Variants in TEX9 observed in about 807,000 individuals in gnomAD.
TEX9 encodes testis-expressed protein 9.
TEX9 carries 74 observed loss-of-function variants against 59.6 expected under a neutral mutation model. The observed-to-expected ratio is 1.24, with a 90% CI of 1.03 to 1.51. TEX9 has a LOEUF of 1.51. Ranked by LOEUF, TEX9 falls within the 40% of genes most tolerant of loss-of-function variation. The pLI is 0.00. For missense variants in TEX9, 522 were observed against 447.8 expected, an observed-to-expected ratio of 1.17 and a Z score of -1.49; for synonymous variants, 186 against 152.2, an observed-to-expected ratio of 1.22 and a Z score of -1.64.
chr15:56,396,572 T>G (rs1481471444), intron 9 of TEX9: 1 of 150,954 alleles, frequency 6.6e-6, no homozygotes, highest in Non-Finnish European at 1.5e-5. Context: ...GAATCTGTTT[T>G]TTTTTTTTTT....
intron 10 of TEX9, among the ~76,000 whole-genome samples, chr15:56,415,984 G>A (rs2049663421): frequency 6.6e-6 from 1 of 151,588 alleles, no homozygotes; most frequent in Admixed American, 6.6e-5. Flanking sequence ...TCTTTTTGTG[G>A]CAAGTGGGGA....
intron 1 of TEX9, among the ~76,000 whole-genome samples, chr15:56,245,815 G>A (rs2043838794): frequency 6.6e-6 from 1 of 152,194 alleles, no homozygotes; most frequent in African/African-American, 2.4e-5. Context: ...TCCAGAGCCT[G>A]CAAGCTATGC....
chr15:56,381,766 CCT>C (rs1567111191), intron 3 of TEX9, among the ~76,000 whole-genome samples: 1 of 152,042 alleles, frequency 6.6e-6, no homozygotes, highest in East Asian at 1.9e-4. Flanking sequence ...TGCAAGCACC[CCT>C]GTGCCCAGCA....
intron 10 of TEX9, among the ~76,000 whole-genome samples, chr15:56,426,587 G>GGGTATATA (rs2050264607): frequency 1.2e-4 from 1 of 8,210 alleles, no homozygotes; most frequent in Non-Finnish European, 2.7e-4. Context: ...TTTTGAAAAG[G>GGGTATATA]TGTATATATA....
intron 12 of TEX9, among the ~76,000 whole-genome samples, chr15:56,431,860 T>C (rs1253857208): frequency 2.0e-5 from 3 of 151,734 alleles, no homozygotes; most frequent in South Asian, 2.1e-4. Context: ...AAACAAAAAA[T>C]AGTGAATAAA....
At chr15:56,434,069 T>G in intron 12 of TEX9, 1 of 1,475,626 alleles carries the variant, frequency 6.8e-7, no homozygotes, top group Non-Finnish European at 9.2e-7. Flanking sequence ...AGTAAATGTT[T>G]AGTGGATGAT....
chr15:56,264,598 A>C (rs1234573742), intron 1 of TEX9, among the ~76,000 whole-genome samples: 1 of 152,212 alleles, frequency 6.6e-6, no homozygotes, highest in African/African-American at 2.4e-5. Context: ...ATTTTGATGG[A>C]CAAGTATTTA....
chr15:56,302,778 CAAAG>C (rs1267609086), intron 1 of TEX9, among the ~76,000 whole-genome samples: 1 of 152,084 alleles, frequency 6.6e-6, no homozygotes, highest in East Asian at 1.9e-4. Flanking sequence ...AATGGATTAA[CAAAG>C]AAGACCCAAT....
At chr15:56,330,193 A>C (rs1265182975) in intron 1 of TEX9, among the ~76,000 whole-genome samples, 1 of 152,212 alleles carries the variant, frequency 6.6e-6, no homozygotes, top group Non-Finnish European at 1.5e-5. Flanking sequence ...ATATACTTCA[A>C]ACATGAAGAA....
At chr15:56,446,898 C>T, downstream of TEX9, 3 of 1,610,296 alleles carry the variant, frequency 1.9e-6, no homozygotes, top group Non-Finnish European at 2.5e-6. Context: ...TTTCTTTATT[C>T]ATGTAAGCTG....
intron 1 of TEX9, among the ~76,000 whole-genome samples, chr15:56,280,726 A>G (rs905680732): frequency 6.6e-6 from 1 of 152,244 alleles, no homozygotes; most frequent in African/African-American, 2.4e-5. Flanking sequence ...TAACAGAATC[A>G]TTGAAGCTGG....
intron 2 of TEX9, 100 bp downstream of exon 2, chr15:56,365,770 C>G: frequency 6.5e-7 from 1 of 1,531,952 alleles, no homozygotes; most frequent in East Asian, 2.4e-5. Flanking sequence ...TTCGGGACCA[C>G]TCACTCTGCA....
the TEX9 span, among the ~76,000 whole-genome samples, chr15:56,459,141 C>G: frequency 0.016 from 2,442 of 152,258 alleles, 27 homozygotes; most frequent in Non-Finnish European, 0.024. Flanking sequence ...ACCCCTGGCA[C>G]CTACTTATCT....
intron 9 of TEX9, among the ~76,000 whole-genome samples, chr15:56,402,906 C>A (rs141844777): frequency 0.018 from 2,809 of 152,276 alleles, 65 homozygotes; most frequent in Admixed American, 0.066. Flanking sequence ...TCAATAGATG[C>A]AGAAAAGGCC....
At chr15:56,261,109 C>T (rs1192210552) in intron 1 of TEX9, among the ~76,000 whole-genome samples, 1 of 151,596 alleles carries the variant, frequency 6.6e-6, no homozygotes, top group Non-Finnish European at 1.5e-5. Context: ...GTAATTTATA[C>T]TTTTGCTCTT....
intron 1 of TEX9, among the ~76,000 whole-genome samples, chr15:56,301,093 A>T (rs2045350080): frequency 6.6e-6 from 1 of 152,202 alleles, no homozygotes; most frequent in Non-Finnish European, 1.5e-5. Flanking sequence ...TTTTTGAGAA[A>T]GCTCAATGAA....
chr15:56,330,691 G>A (rs920729405), intron 1 of TEX9, among the ~76,000 whole-genome samples: 11 of 151,400 alleles, frequency 7.3e-5, no homozygotes, highest in Non-Finnish European at 1.5e-4. Flanking sequence ...AAAATAAAAA[G>A]CAGGAAATCA....
At chr15:56,341,385 T>C (rs2046369675) in intron 1 of TEX9, among the ~76,000 whole-genome samples, 1 of 152,234 alleles carries the variant, frequency 6.6e-6, no homozygotes, top group Non-Finnish European at 1.5e-5. Flanking sequence ...ACAATTTTAC[T>C]GCTTTAACGT....
At chr15:56,362,363 A>G (rs1402762984), upstream of TEX9, among the ~76,000 whole-genome samples, 1 of 152,138 alleles carries the variant, frequency 6.6e-6, no homozygotes, top group African/African-American at 2.4e-5. Flanking sequence ...GGATTGTTCT[A>G]TCCCCTTGGA....
Sources: gnomAD v4.1 joint callset for allele counts (sites outside exome capture counted in the v4.1 genomes callset) on GRCh38, gnomAD v4.1.1 for gene constraint, MANE v1.5 for transcripts, NCBI Gene and HGNC (gene_info 2026-07-23, HGNC 2026-07-21) for gene names.